Variants in FGGY observed in about 807,000 individuals in gnomAD.
FGGY encodes FGGY carbohydrate kinase domain-containing protein.
A neutral mutation model predicts 71.3 loss-of-function variants in FGGY; 72 were observed. That is an observed-to-expected ratio of 1.01 (90% CI 0.84 to 1.23). The LOEUF is 1.23. Among genes scored for constraint, FGGY ranks in the 50% most tolerant of loss-of-function variants. The probability of loss-of-function intolerance (pLI) is 0.00; values close to 1 mark genes in which losing one functional copy is unlikely to be tolerated. For synonymous variants in FGGY, 251 were observed against 250.3 expected, an observed-to-expected ratio of 1.00 and a Z score of -0.02; for missense variants, 668 against 682.3, an observed-to-expected ratio of 0.98 and a Z score of 0.23.
intron 8 of FGGY, among the ~76,000 whole-genome samples, chr1:59,556,512 C>G (rs960109451): frequency 1.3e-5 from 2 of 152,210 alleles, no homozygotes; most frequent in African/African-American, 4.8e-5. Context: ...GATTCCAAAG[C>G]TCATACTCCT....
intron 11 of FGGY, among the ~76,000 whole-genome samples, chr1:59,648,725 T>G (rs965425471): frequency 1.3e-5 from 2 of 151,336 alleles, no homozygotes; most frequent in Non-Finnish European, 1.5e-5. Flanking sequence ...TGGTAGTTTC[T>G]TTTGCTGTGC....
intron 7 of FGGY, among the ~76,000 whole-genome samples, chr1:59,529,532 A>C (rs2095083227): frequency 6.6e-6 from 1 of 152,236 alleles, no homozygotes; most frequent in African/African-American, 2.4e-5. Context: ...AAATGGAGGC[A>C]CTGAGATGAG....
intron 6 of FGGY, among the ~76,000 whole-genome samples, chr1:59,483,655 A>G (rs923931547): frequency 2.0e-5 from 3 of 152,198 alleles, no homozygotes; most frequent in African/African-American, 4.8e-5. Context: ...TTTTTTACCA[A>G]CCTAAGCATT....
intron 11 of FGGY, among the ~76,000 whole-genome samples, 164 bp downstream of exon 11, chr1:59,638,539 C>T (rs1409831854): frequency 6.6e-6 from 1 of 152,220 alleles, no homozygotes; most frequent in Non-Finnish European, 1.5e-5. Flanking sequence ...GGATGAGCTG[C>T]TGAAAGTTTT....
intron 7 of FGGY, among the ~76,000 whole-genome samples, chr1:59,542,445 CTTTTTTTTTTTTTT>C (rs754831417): frequency 8.8e-4 from 30 of 34,258 alleles, no homozygotes; most frequent in African/African-American, 2.9e-3. Context: ...ATGTTCTTTA[CTTTTTTTTTTTTTT>C]TTTTTTTTTT....
intron 1 of FGGY, among the ~76,000 whole-genome samples, chr1:59,300,161 G>A (rs953058206): frequency 6.6e-6 from 1 of 152,148 alleles, no homozygotes; most frequent in Non-Finnish European, 1.5e-5. Context: ...ACTACGTATT[G>A]AGAGTGTCTA....
intron 14 of FGGY, among the ~76,000 whole-genome samples, chr1:59,732,288 T>G (rs17119750): frequency 6.6e-6 from 1 of 152,116 alleles, no homozygotes; most frequent in Non-Finnish European, 1.5e-5. Context: ...GAGATCACAG[T>G]GTATTTAGGG....
At chr1:59,326,686 A>C (rs771416245) in intron 2 of FGGY, among the ~76,000 whole-genome samples, 1 of 151,982 alleles carries the variant, frequency 6.6e-6, no homozygotes, top group East Asian at 1.9e-4. Context: ...ATGTCTTGAT[A>C]TTCATTTTTC....
At chr1:59,655,240 C>A (rs138628366) in intron 11 of FGGY, among the ~76,000 whole-genome samples, 2 of 152,196 alleles carry the variant, frequency 1.3e-5, no homozygotes, top group African/African-American at 4.8e-5. Flanking sequence ...TTAAGAGAAA[C>A]GGAAAGAAAA....
intron 5 of FGGY, among the ~76,000 whole-genome samples, chr1:59,395,205 C>T (rs2061179809): frequency 6.6e-6 from 1 of 152,048 alleles, no homozygotes; most frequent in Admixed American, 6.6e-5. Context: ...AGTCTATTCA[C>T]TTTTATAACC....
chr1:59,569,455 T>C (rs1180816858), intron 8 of FGGY, among the ~76,000 whole-genome samples: 1 of 152,180 alleles, frequency 6.6e-6, no homozygotes, highest in Non-Finnish European at 1.5e-5. Flanking sequence ...TTGAATTATG[T>C]TAACATGGTA....
At chr1:59,727,224 T>A (rs2097958427) in intron 14 of FGGY, among the ~76,000 whole-genome samples, 1 of 152,208 alleles carries the variant, frequency 6.6e-6, no homozygotes, top group African/African-American at 2.4e-5. Context: ...ACGTGATTTT[T>A]TTCTTTTTTA....
chr1:59,732,539 T>C (rs994565164), intron 14 of FGGY, among the ~76,000 whole-genome samples: 3 of 152,078 alleles, frequency 2.0e-5, no homozygotes, highest in Non-Finnish European at 4.4e-5. Flanking sequence ...AGATGAGGAA[T>C]GGCAAAGTCT....
At chr1:59,399,531 C>T (rs900208750) in intron 5 of FGGY, among the ~76,000 whole-genome samples, 6 of 152,072 alleles carry the variant, frequency 3.9e-5, no homozygotes, top group African/African-American at 1.4e-4. Context: ...TTTTGGTTAC[C>T]TACTTAGGTT....
At chr1:59,460,301 A>G (rs1300710850) in intron 6 of FGGY, among the ~76,000 whole-genome samples, 1 of 152,150 alleles carries the variant, frequency 6.6e-6, no homozygotes, top group African/African-American at 2.4e-5. Flanking sequence ...TCTCACTGCT[A>G]GCACAGCAGT....
At chr1:59,744,620 G>A (rs914058811) in intron 14 of FGGY, among the ~76,000 whole-genome samples, 2 of 152,250 alleles carry the variant, frequency 1.3e-5, no homozygotes, top group Non-Finnish European at 2.9e-5. Flanking sequence ...AATGAAGAAT[G>A]TGTTGACCTG....
intron 14 of FGGY, among the ~76,000 whole-genome samples, chr1:59,683,118 A>G (rs2097517426): frequency 6.6e-6 from 1 of 152,226 alleles, no homozygotes; most frequent in Non-Finnish European, 1.5e-5. Context: ...AAAGAGAAGA[A>G]TAACGAGTAT....
At chr1:59,341,719 A>G (rs539185473) in intron 3 of FGGY, among the ~76,000 whole-genome samples, 1 of 152,350 alleles carries the variant, frequency 6.6e-6, no homozygotes, top group East Asian at 1.9e-4. Flanking sequence ...AAACCTGGGT[A>G]GAGCAAACCT....
chr1:59,406,448 G>C (rs960980156), intron 5 of FGGY, among the ~76,000 whole-genome samples: 4 of 152,226 alleles, frequency 2.6e-5, no homozygotes, highest in African/African-American at 9.6e-5. Context: ...TAGTGTTCAA[G>C]TACAGTGCAA....
Sources: gnomAD v4.1 joint callset for allele counts (sites outside exome capture counted in the v4.1 genomes callset) on GRCh38, gnomAD v4.1.1 for gene constraint, MANE v1.5 for transcripts, NCBI Gene and HGNC (gene_info 2026-07-23, HGNC 2026-07-21) for gene names.